Variants in PLCL1 observed in about 807,000 individuals in gnomAD.
The protein encoded by PLCL1 is phospholipase C like 1 (inactive).
PLCL1 carries 41 observed loss-of-function variants against 84.4 expected under a neutral mutation model. That is an observed-to-expected ratio of 0.49 (90% CI 0.38 to 0.63). PLCL1 has a LOEUF of 0.63. PLCL1 is among the 30% of genes least tolerant of loss of function. The probability of loss-of-function intolerance (pLI) is 0.00; values close to 1 mark genes in which losing one functional copy is unlikely to be tolerated. For synonymous variants in PLCL1, 490 were observed against 488.3 expected, an observed-to-expected ratio of 1.00 and a Z score of -0.05; for missense variants, 1,206 against 1,367.8, an observed-to-expected ratio of 0.88 and a Z score of 1.87.
chr2:197,958,986 A>T (rs1325747325), intron 1 of PLCL1, among the ~76,000 whole-genome samples: 1 of 152,044 alleles, frequency 6.6e-6, no homozygotes, highest in Non-Finnish European at 1.5e-5. Flanking sequence ...GGAGCTGCCA[A>T]GATATATCAT....
chr2:198,079,877 G>C (rs1482187445), intron 1 of PLCL1, among the ~76,000 whole-genome samples: 1 of 152,188 alleles, frequency 6.6e-6, no homozygotes, highest in Non-Finnish European at 1.5e-5. Context: ...ATGAGGTTAA[G>C]CTTTAATTTA....
chr2:197,972,556 C>T (rs1333717347), intron 1 of PLCL1, among the ~76,000 whole-genome samples: 1 of 152,042 alleles, frequency 6.6e-6, no homozygotes, highest in Non-Finnish European at 1.5e-5. Flanking sequence ...TCACTTTTAT[C>T]CATCTTTAAA....
At chr2:197,881,535 G>GTGTGTGTGTGTGTA (rs1553499123) in intron 1 of PLCL1, among the ~76,000 whole-genome samples, 1 of 151,774 alleles carries the variant, frequency 6.6e-6, no homozygotes, top group African/African-American at 2.4e-5. Flanking sequence ...GTGTGTGTGT[G>GTGTGTGTGTGTGTA]TGTGAGCTAG....
intron 1 of PLCL1, among the ~76,000 whole-genome samples, chr2:197,820,692 G>A (rs1690797674): frequency 6.6e-6 from 1 of 152,140 alleles, no homozygotes; most frequent in Non-Finnish European, 1.5e-5. Flanking sequence ...CTGTCTAGAT[G>A]TAGATATTAG....
intron 1 of PLCL1, among the ~76,000 whole-genome samples, chr2:197,885,320 G>A (rs1220636390): frequency 1.3e-5 from 2 of 152,124 alleles, no homozygotes; most frequent in Non-Finnish European, 2.9e-5. Flanking sequence ...GTCTGAGTCC[G>A]AAGGCTGAGA....
At chr2:197,821,429 T>C (rs190197091) in intron 1 of PLCL1, among the ~76,000 whole-genome samples, 1 of 152,322 alleles carries the variant, frequency 6.6e-6, no homozygotes, top group East Asian at 1.9e-4. Flanking sequence ...AACAAGATAG[T>C]TTATTTCTTT....
chr2:198,065,427 A>G (rs1692302618), intron 1 of PLCL1, among the ~76,000 whole-genome samples: 1 of 152,174 alleles, frequency 6.6e-6, no homozygotes, highest in Non-Finnish European at 1.5e-5. Flanking sequence ...TGACATGCAC[A>G]TTCAGAATCA....
At chr2:198,088,419 G>T (rs566904041) in intron 2 of PLCL1, among the ~76,000 whole-genome samples, 42 of 152,332 alleles carry the variant, frequency 2.8e-4, no homozygotes, top group Non-Finnish European at 5.3e-4. Flanking sequence ...TTCAGTGTGT[G>T]TGTCTGTCAG....
chr2:198,018,113 C>A (rs542539964), intron 1 of PLCL1, among the ~76,000 whole-genome samples: 100 of 152,198 alleles, frequency 6.6e-4, no homozygotes, highest in African/African-American at 2.2e-3. Context: ...ATTGCCTCAC[C>A]CGGGAAGTGC....
chr2:198,136,726 T>C (rs968902676), intron 5 of PLCL1, among the ~76,000 whole-genome samples: 11 of 152,114 alleles, frequency 7.2e-5, no homozygotes, highest in Admixed American at 6.6e-4. Context: ...AGTAGCATCC[T>C]TCAAAACGTT....
At position 198,086,056 on chromosome 2, in the gene PLCL1, A is replaced by G. The variant is rs1432956636; in HGVS notation, c.2539A>G (p.Ile847Val). 7 of 1,613,982 alleles carry G rather than the reference A, an allele frequency of 4.3e-6. No homozygotes were observed. The highest frequency in any genetic ancestry group is 1.7e-5 in the Admixed American group (1 of 59,994). ...EHVTLFVHIAITNRSGGGKAQ... is the reference protein window; with the variant it reads ...EHVTLFVHIAVTNRSGGGKAQ... The stretch of plus-strand genomic sequence containing the variant: ...CGTAACCCTTTTTGTCCACATAGCA[A>G]TAACTAATCGAAGTGGAGGAGGAAA... The change falls in exon 2 of 6, where the codon ATA (isoleucine) becomes GTA (valine). Residue 847 changes from isoleucine (I) to valine (V), a missense_variant. By Grantham distance (29) the Ile-to-Val change is conservative (BLOSUM62 3). Transcript: ENST00000428675.
At chr2:197,836,464 A>AAC in intron 1 of PLCL1, among the ~76,000 whole-genome samples, 1 of 150,908 alleles carries the variant, frequency 6.6e-6, no homozygotes, top group East Asian at 1.9e-4. Context: ...AAAAAAAAAA[A>AAC]AAAAAAAAAA....
At chr2:198,046,635 C>T (rs1028713927) in intron 1 of PLCL1, among the ~76,000 whole-genome samples, 11 of 152,060 alleles carry the variant, frequency 7.2e-5, no homozygotes, top group Admixed American at 2.0e-4. Flanking sequence ...CTCAGGAGCT[C>T]GAGACCAGCC....
chr2:198,064,969 A>G (rs6434953), intron 1 of PLCL1, among the ~76,000 whole-genome samples: 109,950 of 151,482 alleles, frequency 0.73, 40,746 homozygotes, highest in African/African-American at 0.87. Flanking sequence ...TTTTTGAAAT[A>G]CAGAATAAGA....
At position 197,891,846 on chromosome 2, in the gene PLCL1, G is replaced by A. The variant is rs565622581; in HGVS notation, c.240+86507G>A. On this transcript the variant is annotated intron_variant, in intron 1 of 5. Transcript: ENST00000428675. Reference sequence around the variant, plus strand: ...TGAAAATATACATTCCTACTTGATAGTTCAGGGTTAGGATCTGAGATTCTG... The same window carrying A: ...TGAAAATATACATTCCTACTTGATAATTCAGGGTTAGGATCTGAGATTCTG... Among the ~76,000 whole-genome samples, 3 of 152,240 alleles carry A rather than the reference G, an allele frequency of 2.0e-5. No homozygotes were observed. In the South Asian group the frequency reaches 6.2e-4, roughly 32 times the overall value.
rs138115362 is a variant in PLCL1, at chr2:198,058,058, A to T, written c.241-25700A>T. On this transcript the variant is annotated intron_variant, in intron 1 of 5. Coordinates refer to ENST00000428675, the MANE Select transcript of PLCL1 (RefSeq NM_006226.4). ...ACCTATTTTGAATGATGCCTCTGAT[A>T]TAGTGTGGAGTGAAAACTGGTTTTC... Among the ~76,000 whole-genome samples the T allele has an allele frequency of 2.4e-4, 36 of 152,320 alleles. No homozygotes were observed. In the Middle Eastern group the frequency reaches 0.014, roughly 58 times the overall value.
At chr2:198,131,974 T>C (rs1355355612) in intron 5 of PLCL1, among the ~76,000 whole-genome samples, 3 of 152,184 alleles carry the variant, frequency 2.0e-5, no homozygotes, top group Non-Finnish European at 4.4e-5. Flanking sequence ...TGTTATCTTT[T>C]CCTTTTCCAT....
intron 1 of PLCL1, among the ~76,000 whole-genome samples, chr2:197,859,362 T>C (rs1196807816): frequency 3.3e-5 from 5 of 152,198 alleles, no homozygotes; most frequent in Non-Finnish European, 7.4e-5. Flanking sequence ...TATAAATTCT[T>C]AATCTGTTGT....
At chr2:198,061,841 T>C (rs1488177223) in intron 1 of PLCL1, among the ~76,000 whole-genome samples, 3 of 152,124 alleles carry the variant, frequency 2.0e-5, no homozygotes, top group African/African-American at 7.2e-5. Context: ...CCTCATGATC[T>C]GCCTGCCTCA....
Sources: allele counts gnomAD v4.1 joint callset (sites outside exome capture counted in the v4.1 genomes callset), GRCh38; gene constraint gnomAD v4.1.1; transcripts MANE v1.5; gene names NCBI Gene and HGNC (gene_info 2026-07-23, HGNC 2026-07-21).